The following WDR76 variants were observed in gnomAD, a reference collection of about 807,000 sequenced individuals.
WDR76 encodes the protein WD repeat-containing protein 76.
Under a neutral mutation model 70.2 loss-of-function variants are expected in WDR76, and 52 were observed. That is an observed-to-expected ratio of 0.74 (90% confidence interval 0.59 to 0.93). The LOEUF (loss-of-function observed/expected upper bound fraction) is 0.93, where lower values mean the gene tolerates loss of function less well. Ranked by LOEUF, WDR76 falls within the 40% of genes least tolerant of loss-of-function variation. The pLI is 0.00. For synonymous variants in WDR76, 292 were observed against 271.1 expected, an observed-to-expected ratio of 1.08 and a Z score of -0.76; for missense variants, 756 against 760.2, an observed-to-expected ratio of 0.99 and a Z score of 0.07.
At chr15:43,848,775 C>T (rs1349960310) in intron 8 of WDR76, among the ~76,000 whole-genome samples, 1 of 152,086 alleles carries the variant, frequency 6.6e-6, no homozygotes, top group Non-Finnish European at 1.5e-5. Context: ...CCTGTCTCTA[C>T]TAAAAATACA....
At chr15:43,827,781 G>A (rs1417078896) in intron 1 of WDR76, among the ~76,000 whole-genome samples, 184 bp from the exon 2 acceptor site, 2 of 152,052 alleles carry the variant, frequency 1.3e-5, no homozygotes, top group Middle Eastern at 3.2e-3. Context: ...TCCTGACCTC[G>A]CGATCTGCCC....
intron 12 of WDR76, among the ~76,000 whole-genome samples, chr15:43,863,131 G>A (rs2088024857): frequency 6.6e-6 from 1 of 152,022 alleles, no homozygotes; most frequent in South Asian, 2.1e-4. Context: ...TAGAGACAGG[G>A]TTTCCCATGT....
intron 3 of WDR76, 58 bp from the exon 4 acceptor site, chr15:43,836,103 A>G (rs1436693635): frequency 2.6e-6 from 4 of 1,509,616 alleles, no homozygotes; most frequent in South Asian, 2.5e-5. Flanking sequence ...GATGCTTAAT[A>G]TTTTAAAAGG....
At chr15:43,852,102 A>T (rs1415830114) in intron 9 of WDR76, among the ~76,000 whole-genome samples, 1 of 152,240 alleles carries the variant, frequency 6.6e-6, no homozygotes, top group Non-Finnish European at 1.5e-5. Context: ...TTTAAAACAA[A>T]CATATCATTT....
rs747203924 is a variant in WDR76 at position 43,828,316 on chromosome 15, G to A, written c.412G>A (p.Val138Met). 6.2e-7 allele frequency: 1 copy of A among 1,614,048 alleles called. No individual in the cohort carries two copies. The highest frequency in any genetic ancestry group is 8.5e-7 in the Non-Finnish European group (1 of 1,180,036). Residue 138 changes from valine to methionine, a missense_variant, in exon 2 of 13, where the codon GTG becomes ATG. Transcript: ENST00000263795. Reference protein sequence around the residue: ...TADAMNLSVDVESSQDGDSDE... With the variant: ...TADAMNLSVDMESSQDGDSDE... Reference sequence around the variant, plus strand: ...AGATGCGATGAATCTCAGTGTTGATGTGGAAAGTAGTCAGGATGGAGACAG... The same window carrying A: ...AGATGCGATGAATCTCAGTGTTGATATGGAAAGTAGTCAGGATGGAGACAG...
chr15:43,835,282 C>A, intron 3 of WDR76, 132 bp downstream of exon 3: 1 of 686,884 alleles, frequency 1.5e-6, no homozygotes, highest in Non-Finnish European at 2.4e-6. Flanking sequence ...GCCTGGGTAA[C>A]ATACGGAGAC....
intron 9 of WDR76, among the ~76,000 whole-genome samples, chr15:43,852,880 T>C (rs772376500): frequency 1.3e-5 from 2 of 152,148 alleles, no homozygotes; most frequent in Non-Finnish European, 2.9e-5. Flanking sequence ...TTTGTGTTTC[T>C]ATTCTTTCTT....
Position 43,866,147 on chromosome 15 carries a change from C to T in WDR76, c.1636C>T (p.Arg546Ter), listed in dbSNP as rs781068546. ...TTIRHNTFTG[R>*]WLTRFQAMWD... ...CACTAGGCACAACACTTTCACTGGG[C>T]GATGGCTGACCAGGTTCCAAGCCAT... The change falls in exon 13 of 13, where the codon CGA becomes TGA. Residue 546 changes from arginine to a stop codon, truncating the protein, a stop_gained. Coordinates refer to ENST00000263795, the MANE Select transcript of WDR76 (RefSeq NM_024908.4). LOFTEE classifies it high-confidence loss of function. The T allele has an allele frequency of 9.9e-6, 16 of 1,614,064 alleles. No individual in the cohort carries two copies. In the Admixed American group the frequency reaches 1.3e-4, roughly 13 times the overall value.
At chr15:43,849,234 T>G (rs978761998) in intron 8 of WDR76, among the ~76,000 whole-genome samples, 14 of 151,162 alleles carry the variant, frequency 9.3e-5, no homozygotes, top group Non-Finnish European at 1.9e-4. Context: ...CAAATCAATA[T>G]AAATTATCTA....
At chr15:43,854,444 C>A (rs1338624328) in intron 9 of WDR76, among the ~76,000 whole-genome samples, 1 of 151,854 alleles carries the variant, frequency 6.6e-6, no homozygotes, top group Non-Finnish European at 1.5e-5. Flanking sequence ...TAGCATGCGC[C>A]TGTGGTCCCA....
At chr15:43,829,781 C>G (rs1288834764) in intron 2 of WDR76, among the ~76,000 whole-genome samples, 1 of 152,012 alleles carries the variant, frequency 6.6e-6, no homozygotes, top group Non-Finnish European at 1.5e-5. Context: ...GCTGGAATTA[C>G]AGGCGTGAGC....
chr15:43,858,534 C>T lies in WDR76; in HGVS notation c.1410-137C>T, dbSNP rs1435315474. 3.5e-6 allele frequency: 4 copies of T among 1,139,028 alleles called. No individual in the cohort carries two copies. The African/African-American group carries it at 4.7e-5, about 13-fold the overall frequency. 70.6% of individuals were successfully genotyped at this position (1,139,028 alleles called of 1,614,324 possible). On this transcript the variant is annotated intron_variant, in intron 10 of 12. Transcript: ENST00000263795. Reference sequence around the variant, plus strand: ...GTGCTGGGATTACAGACTTGAGCCACCGCACCTGGCTGAGAGTTCTGTCTT... The same window carrying T: ...GTGCTGGGATTACAGACTTGAGCCATCGCACCTGGCTGAGAGTTCTGTCTT...
At chr15:43,833,401 C>T (rs1378290885) in intron 2 of WDR76, among the ~76,000 whole-genome samples, 3 of 150,724 alleles carry the variant, frequency 2.0e-5, no homozygotes, top group Non-Finnish European at 2.9e-5. Context: ...TCACTGCAAG[C>T]TCCGCCTCCC....
At position 43,858,699 on chromosome 15, in the gene WDR76, T is replaced by A; in HGVS notation, c.1438T>A (p.Leu480Met). ...TACTCATATTTATGATGCAAGGCGATTGAATTCCAGGAGAAGTCAGCCTTT... is the reference window on the plus strand; with the variant it reads ...TACTCATATTTATGATGCAAGGCGAATGAATTCCAGGAGAAGTCAGCCTTT... Reference protein sequence around the residue: ...RDTHIYDARRLNSRRSQPLIS... With the variant: ...RDTHIYDARRMNSRRSQPLIS... The change falls in exon 11 of 13, where the codon TTG becomes ATG. Residue 480 changes from leucine (L) to methionine (M), a missense_variant. Physicochemically the swap from Leu to Met is conservative, Grantham distance 15 (BLOSUM62 2). Coordinates refer to ENST00000263795, the MANE Select transcript of WDR76 (RefSeq NM_024908.4). 6.2e-7 allele frequency: 1 copy of A among 1,614,110 alleles called. No individual in the cohort carries two copies. The highest frequency in any genetic ancestry group is 8.5e-7 in the Non-Finnish European group (1 of 1,180,002).
At position 43,863,616 on chromosome 15, in the gene WDR76, G is replaced by A. The variant is rs147833333; in HGVS notation, c.1616+2230G>A. 2.7e-3 allele frequency among the ~76,000 whole-genome samples: 414 copies of A among 151,672 alleles called. 4 individuals carry two copies. Among genetic ancestry groups the A allele is most frequent in the African/African-American group, 9.4e-3 (390 of 41,346 alleles). On this transcript the variant is annotated intron_variant, in intron 12 of 12. Coordinates refer to ENST00000263795, the MANE Select transcript of WDR76 (RefSeq NM_024908.4). ...GCTCCCTTGCCCAGTATGGAGTGTG[G>A]TGGCATGATCATGGCTCACTTCAGC...
rs1336097448 is a variant in WDR76 at position 43,868,034 on chromosome 15, GTAATC to G, written c.*1646_*1650del. 1.3e-5 allele frequency: 2 copies of G among 152,106 alleles called. No homozygotes were observed. The highest frequency in any genetic ancestry group is 4.8e-5 in the African/African-American group (2 of 41,422). The allele number at this position is 152,106 out of a possible 1,614,324, so 9.4% of individuals were successfully genotyped here. The stretch of plus-strand genomic sequence containing the variant: ...CAATTTCTAAATAATTTTCTTCTCT[GTAATC>G]TAAGTGTAAAAAGGTTTAGTTTTTT... On this transcript the variant is annotated 3_prime_UTR_variant, in exon 13 of 13. Transcript: ENST00000263795.
Position 43,835,220 on chromosome 15 carries a change from A to T in WDR76, c.552+70A>T, listed in dbSNP as rs560156804. 7.4e-5 allele frequency: 105 copies of T among 1,422,324 alleles called. No individual in the cohort carries two copies. In the Admixed American group the frequency reaches 1.8e-3, roughly 25 times the overall value. 88.1% of individuals were successfully genotyped at this position (1,422,324 alleles called of 1,614,324 possible). A position where few individuals can be genotyped will look rare whatever the true frequency, so the allele number is the denominator to read the frequency against. On this transcript the variant is annotated intron_variant, in intron 3 of 12. Transcript: ENST00000263795. ...AGTGGGTAGCGCCTGTAATCCTGTC[A>T]CTTGGGGAGGCTGACATGGGAGAAT... is the stretch of plus-strand genomic sequence containing the variant.
chr15:43,831,266 G>A (rs1205613608), intron 2 of WDR76, among the ~76,000 whole-genome samples: 3 of 151,896 alleles, frequency 2.0e-5, no homozygotes, highest in African/African-American at 7.3e-5. Flanking sequence ...CAAATAGCTG[G>A]GACTACAGGC....
At position 43,851,095 on chromosome 15, in the gene WDR76, A is replaced by T. The variant is rs752998834; in HGVS notation, c.1041A>T (p.Gln347His). The T allele has an allele frequency of 1.9e-6, 3 of 1,614,088 alleles. No individual in the cohort carries two copies. The part of the protein sequence containing the change: ...GQVGLCDLTQ[Q>H]PKEDGVYVFH... ...CCGCAACTCTCTTCCAGACCCAGCA[A>T]CCTAAAGAAGATGGAGTTTATGTTT... is the stretch of plus-strand genomic sequence containing the variant. Residue 347 changes from glutamine to histidine, a missense_variant, in exon 9 of 13, where the codon CAA (glutamine) becomes CAT (histidine). Physicochemically the swap from Gln to His is conservative, Grantham distance 24. Coordinates refer to ENST00000263795, the MANE Select transcript of WDR76 (RefSeq NM_024908.4).
Sources: gnomAD v4.1 joint callset for allele counts (sites outside exome capture counted in the v4.1 genomes callset) on GRCh38, gnomAD v4.1.1 for gene constraint, MANE v1.5 for transcripts, NCBI Gene and HGNC (gene_info 2026-07-23, HGNC 2026-07-21) for gene names.